TSHZ2: variants seen among roughly 807,000 people sequenced by gnomAD.
TSHZ2 encodes the protein teashirt homolog 2.
TSHZ2 carries 21 observed loss-of-function variants against 74.4 expected under a neutral mutation model. The observed-to-expected ratio is 0.28, with a 90% CI of 0.20 to 0.41. TSHZ2 has a LOEUF of 0.41. Ranked by LOEUF, TSHZ2 falls within the 10% of genes least tolerant of loss-of-function variation. The probability of loss-of-function intolerance (pLI) is 1.00; values close to 1 mark genes in which losing one functional copy is unlikely to be tolerated. For missense variants in TSHZ2, 1,244 were observed against 1,293.5 expected (o/e 0.96, Z 0.59); for synonymous variants, 540 against 515.3 (o/e 1.05, Z -0.65).
At position 53,255,846 on chromosome 20, in the gene TSHZ2, C is replaced by T. The variant is rs370696928; in HGVS notation, c.2388C>T (p.Ala796=). 1.7e-5 allele frequency: 27 copies of T among 1,611,526 alleles called. No individual in the cohort carries two copies. The highest frequency in any genetic ancestry group is 1.3e-4 in the Admixed American group (8 of 59,860). Residue 796 remains alanine (A), a synonymous_variant, in exon 2 of 3, where the codon GCC becomes GCT. Coordinates refer to ENST00000371497, the MANE Select transcript of TSHZ2 (RefSeq NM_173485.6). This position sits in a 1 kb window ranked among gnomAD's most constrained non-coding sequence, Gnocchi z 4.1. ...PPQKHALSDI[A]DMVKVLPKAT... is the part of the protein sequence containing the mutation. ...AGAAGCACGCTCTGTCTGACATCGCCGACATGGTCAAAGTCCTCCCCAAAG... is the reference window on the plus strand; with the variant it reads ...AGAAGCACGCTCTGTCTGACATCGCTGACATGGTCAAAGTCCTCCCCAAAG...
chr20:53,058,458 C>T (rs1984715708), intron 1 of TSHZ2, among the ~76,000 whole-genome samples: 1 of 152,198 alleles, frequency 6.6e-6, no homozygotes, highest in South Asian at 2.1e-4. Context: ...AATGAAAAGG[C>T]AGGGCCCCTT....
At chr20:53,471,631 G>C (rs972314086) in intron 2 of TSHZ2, among the ~76,000 whole-genome samples, 4 of 152,096 alleles carry the variant, frequency 2.6e-5, no homozygotes, top group Non-Finnish European at 5.9e-5. Context: ...GTGGGAAGAA[G>C]AGCATGCTAA....
rs970681622 is a variant in TSHZ2 at position 53,180,055 on chromosome 20, G to A, written c.41-73444G>A. ...CATAAACTGTCATTTATAGAATGTC[G>A]AACCATTTTGGAAATGATTGGAGGA... On this transcript the variant is annotated intron_variant, in intron 1 of 2. Coordinates refer to ENST00000371497, the MANE Select transcript of TSHZ2 (RefSeq NM_173485.6). Among the ~76,000 whole-genome samples the A allele has an allele frequency of 3.9e-5, 6 of 152,202 alleles. No homozygotes were observed. In the South Asian group the frequency reaches 6.2e-4, roughly 16 times the overall value.
intron 1 of TSHZ2, among the ~76,000 whole-genome samples, chr20:52,995,119 A>G (rs188033541): frequency 2.2e-4 from 34 of 152,258 alleles, no homozygotes; most frequent in Admixed American, 2.2e-3. Context: ...TATCTTGATG[A>G]ATCCTGTTTT....
At chr20:53,464,869 T>G (rs62206376) in intron 2 of TSHZ2, among the ~76,000 whole-genome samples, 3,631 of 152,218 alleles carry the variant, frequency 0.024, 65 homozygotes, top group Non-Finnish European at 0.035. Context: ...TGGGCTCAAA[T>G]GATCCTCCTG....
chr20:53,137,844 T>G (rs773927861), intron 1 of TSHZ2, among the ~76,000 whole-genome samples: 12 of 152,202 alleles, frequency 7.9e-5, no homozygotes, highest in Non-Finnish European at 1.6e-4. Context: ...GTGTAGCGGA[T>G]AAGATGCTTT....
rs566792354 is a variant in TSHZ2, at chr20:53,116,790, G to A, written c.41-136709G>A. Among the ~76,000 whole-genome samples the A allele has an allele frequency of 8.5e-5, 13 of 152,228 alleles. No homozygotes were observed. The South Asian group carries it at 2.3e-3, about 27-fold the overall frequency. Reference sequence around the variant, plus strand: ...AATGGCATTTTTTAATTCTGCCAACGAGAAGGTCAATGATACAGCTGTATG... The same window carrying A: ...AATGGCATTTTTTAATTCTGCCAACAAGAAGGTCAATGATACAGCTGTATG... On this transcript the variant is annotated intron_variant, in intron 1 of 2. Coordinates refer to ENST00000371497, the MANE Select transcript of TSHZ2 (RefSeq NM_173485.6).
At chr20:53,429,363 T>A (rs2145729311) in intron 2 of TSHZ2, among the ~76,000 whole-genome samples, 1 of 152,334 alleles carries the variant, frequency 6.6e-6, no homozygotes, top group East Asian at 1.9e-4. Context: ...CCCACCCACA[T>A]CTCACCCTGA....
intron 1 of TSHZ2, among the ~76,000 whole-genome samples, chr20:53,010,631 A>G (rs2057078214): frequency 6.6e-6 from 1 of 152,158 alleles, no homozygotes; most frequent in Non-Finnish European, 1.5e-5. Context: ...ACAAACTGAG[A>G]CACATGTCAT....
intron 1 of TSHZ2, among the ~76,000 whole-genome samples, chr20:53,133,004 C>T (rs756020246): frequency 6.6e-6 from 1 of 151,970 alleles, no homozygotes; most frequent in African/African-American, 2.4e-5. Context: ...CTTTTCTCTC[C>T]CTGCTAGCAT....
intron 1 of TSHZ2, among the ~76,000 whole-genome samples, chr20:53,176,161 G>A (rs1030272801): frequency 6.6e-6 from 1 of 152,128 alleles, no homozygotes; most frequent in Non-Finnish European, 1.5e-5. Context: ...GTCATCTTCA[G>A]GCTTTTCCCT....
At chr20:53,458,408 C>T (rs1985200621) in intron 2 of TSHZ2, among the ~76,000 whole-genome samples, 1 of 151,844 alleles carries the variant, frequency 6.6e-6, no homozygotes, top group Admixed American at 6.6e-5. Context: ...TGGTGATATC[C>T]CCTTTGTCAT....
At chr20:53,214,025 C>T (rs1424136536) in intron 1 of TSHZ2, among the ~76,000 whole-genome samples, 6 of 152,116 alleles carry the variant, frequency 3.9e-5, no homozygotes, top group African/African-American at 9.7e-5. Flanking sequence ...CCATAGGTGT[C>T]GGCCTTACAT....
At chr20:53,197,873 A>G (rs1341385823) in intron 1 of TSHZ2, among the ~76,000 whole-genome samples, 2 of 152,220 alleles carry the variant, frequency 1.3e-5, no homozygotes, top group African/African-American at 4.8e-5. Flanking sequence ...AGGAAAAACA[A>G]CAAGCAAACC....
chr20:52,973,693 C>T lies in TSHZ2; in HGVS notation c.40+360C>T, dbSNP rs778702439. On this transcript the variant is annotated intron_variant, in intron 1 of 2. Coordinates refer to ENST00000371497, the MANE Select transcript of TSHZ2 (RefSeq NM_173485.6). ...ACAGCCCCTCCACCCCTGCATCCCT[C>T]TGCGTGGTCAGTGCCAGTGGCTTTT... Among the ~76,000 whole-genome samples, 144 of 152,306 alleles carry T rather than the reference C, an allele frequency of 9.5e-4. 1 individual carries two copies. The highest frequency in any genetic ancestry group is 2.9e-3 in the African/African-American group (121 of 41,578).
intron 2 of TSHZ2, among the ~76,000 whole-genome samples, chr20:53,394,555 G>C (rs988584275): frequency 6.6e-6 from 1 of 152,036 alleles, no homozygotes; most frequent in African/African-American, 2.4e-5. Flanking sequence ...GACCCATCCA[G>C]TCCTGCTCTT....
chr20:53,081,670 T>C (rs1478367506), intron 1 of TSHZ2, among the ~76,000 whole-genome samples: 1 of 152,248 alleles, frequency 6.6e-6, no homozygotes, highest in Non-Finnish European at 1.5e-5. Context: ...ACGGTGTTTA[T>C]AAATTTTTTC....
intron 2 of TSHZ2, among the ~76,000 whole-genome samples, chr20:53,296,640 T>A (rs1991386107): frequency 6.6e-6 from 1 of 152,234 alleles, no homozygotes; most frequent in Non-Finnish European, 1.5e-5. Flanking sequence ...GTTCTGTTCT[T>A]CCTTGGTCTG....
intron 2 of TSHZ2, among the ~76,000 whole-genome samples, chr20:53,380,115 G>C (rs972430726): frequency 6.6e-6 from 1 of 151,316 alleles, no homozygotes; most frequent in Non-Finnish European, 1.5e-5. Context: ...AGCCTAACTT[G>C]AGCTTGAAGG....
Sources: gnomAD v4.1 joint callset for allele counts (sites outside exome capture counted in the v4.1 genomes callset) on GRCh38, gnomAD v4.1.1 for gene constraint, Gnocchi (gnomAD v3.1) non-coding constraint, MANE v1.5 for transcripts, NCBI Gene and HGNC (gene_info 2026-07-23, HGNC 2026-07-21) for gene names.